LEF1: variants seen among roughly 807,000 people sequenced by gnomAD.
LEF1 encodes lymphoid enhancer binding factor 1.
Under a neutral mutation model 51.2 loss-of-function variants are expected in LEF1, and 14 were observed. That is an observed-to-expected ratio of 0.27 (90% CI 0.18 to 0.43). LEF1 has a LOEUF of 0.43. LEF1 is among the 20% of genes least tolerant of loss of function. LEF1 has a pLI of 1.00. For missense variants in LEF1, 386 were observed against 512.0 expected (o/e 0.75, Z 2.37); for synonymous variants, 185 against 183.2 (o/e 1.01, Z -0.08).
At chr4:108,080,544 T>C (rs1739216301) in intron 6 of LEF1, among the ~76,000 whole-genome samples, 10 of 152,138 alleles carry the variant, frequency 6.6e-5, no homozygotes, top group Admixed American at 5.2e-4. Context: ...ATGGTAAAAA[T>C]ACAAATATTT....
At chr4:108,166,174 A>T (rs1452816200) in intron 1 of LEF1, 7 of 1,278,484 alleles carry the variant, frequency 5.5e-6, no homozygotes, top group Middle Eastern at 2.8e-4. Flanking sequence ...GGTGCACCCT[A>T]CCCCCGCCCC....
chr4:108,073,832 C>CT (rs1738662743), intron 8 of LEF1, among the ~76,000 whole-genome samples: 8 of 117,220 alleles, frequency 6.8e-5, no homozygotes, highest in African/African-American at 2.2e-4. Context: ...AACCCCCCCC[C>CT]CTTTTTTTTT....
chr4:108,048,883 G>A (rs2126249064), intron 11 of LEF1, 132 bp from the exon 12 acceptor site: 1 of 550,578 alleles, frequency 1.8e-6, no homozygotes, highest in East Asian at 3.2e-5. Context: ...TTTGGGGATG[G>A]CTAAAATGAA....
chr4:108,109,356 A>T (rs1741378473), intron 3 of LEF1, among the ~76,000 whole-genome samples: 1 of 152,188 alleles, frequency 6.6e-6, no homozygotes, highest in Non-Finnish European at 1.5e-5. Flanking sequence ...TGAAAAAGGG[A>T]CAAGTTGTTT....
chr4:108,061,294 T>C (rs528256967), intron 11 of LEF1, among the ~76,000 whole-genome samples: 29 of 152,114 alleles, frequency 1.9e-4, no homozygotes, highest in African/African-American at 6.0e-4. Flanking sequence ...CTTAAGAAAA[T>C]ATAAATAAGT....
At chr4:108,133,856 T>C (rs1743060176) in intron 3 of LEF1, among the ~76,000 whole-genome samples, 1 of 152,236 alleles carries the variant, frequency 6.6e-6, no homozygotes, top group African/African-American at 2.4e-5. Context: ...TATTGTCATA[T>C]ATGTGAGGAT....
At chr4:108,152,845 G>A (rs1744438699) in intron 3 of LEF1, among the ~76,000 whole-genome samples, 1 of 152,204 alleles carries the variant, frequency 6.6e-6, no homozygotes, top group Admixed American at 6.5e-5. Context: ...AATGCCAGAT[G>A]AGGAGACCAA....
chr4:108,078,924 C>T (rs1304053879), intron 7 of LEF1, among the ~76,000 whole-genome samples: 1 of 152,162 alleles, frequency 6.6e-6, no homozygotes, highest in Non-Finnish European at 1.5e-5. Context: ...CTGCCTCTCA[C>T]CCCCACCCTC....
At chr4:108,092,917 T>TAAAAAAAAAAAAAAAAAAAAA (rs71592104) in intron 3 of LEF1, among the ~76,000 whole-genome samples, 4 of 31,154 alleles carry the variant, frequency 1.3e-4, no homozygotes, top group Admixed American at 3.7e-4. Flanking sequence ...AATGAATATG[T>TAAAAAAAAAAAAAAAAAAAAA]AAAAAAAAAA....
chr4:108,127,823 G>T (rs748107315), intron 3 of LEF1, among the ~76,000 whole-genome samples: 1 of 152,192 alleles, frequency 6.6e-6, no homozygotes, highest in East Asian at 1.9e-4. Flanking sequence ...AGAAATTTAA[G>T]ATCTGAAGGG....
chr4:108,049,217 C>G (rs988991714), intron 11 of LEF1, among the ~76,000 whole-genome samples: 1 of 152,166 alleles, frequency 6.6e-6, no homozygotes, highest in African/African-American at 2.4e-5. Flanking sequence ...TGCCAACTCC[C>G]GTGACGCTAT....
At chr4:108,057,283 T>A (rs1460622281) in intron 11 of LEF1, among the ~76,000 whole-genome samples, 1 of 152,140 alleles carries the variant, frequency 6.6e-6, no homozygotes, top group Non-Finnish European at 1.5e-5. Flanking sequence ...TTCAGCTGCC[T>A]CCAATTTCCT....
At chr4:108,155,297 C>T (rs746860960) in intron 3 of LEF1, among the ~76,000 whole-genome samples, 7 of 152,142 alleles carry the variant, frequency 4.6e-5, no homozygotes, top group Middle Eastern at 3.2e-3. Flanking sequence ...TTCCCTCATA[C>T]GTCTCATTCC....
At chr4:108,079,276 C>A (rs1297221819) in intron 7 of LEF1, among the ~76,000 whole-genome samples, 1 of 152,156 alleles carries the variant, frequency 6.6e-6, no homozygotes, top group Admixed American at 6.5e-5. Context: ...TTCCCATGAT[C>A]TTTTAGGGTC....
intron 3 of LEF1, among the ~76,000 whole-genome samples, chr4:108,107,039 T>C (rs1043461043): frequency 4.6e-5 from 7 of 152,008 alleles, no homozygotes; most frequent in Non-Finnish European, 1.0e-4. Flanking sequence ...GATTGGAAAA[T>C]ACAAAAAAAC....
At chr4:108,109,204 T>C (rs1741366686) in intron 3 of LEF1, among the ~76,000 whole-genome samples, 1 of 152,222 alleles carries the variant, frequency 6.6e-6, no homozygotes, top group Non-Finnish European at 1.5e-5. Flanking sequence ...ATCCACTCCT[T>C]GTAAGGCCAT....
At chr4:108,109,038 C>T (rs1240278096) in intron 3 of LEF1, among the ~76,000 whole-genome samples, 2 of 152,170 alleles carry the variant, frequency 1.3e-5, no homozygotes, top group South Asian at 2.1e-4. Context: ...AACATTTCTA[C>T]CTAGGGATGT....
At chr4:108,059,364 T>C (rs1737522402) in intron 11 of LEF1, among the ~76,000 whole-genome samples, 1 of 152,170 alleles carries the variant, frequency 6.6e-6, no homozygotes, top group African/African-American at 2.4e-5. Context: ...ATCACCTAGG[T>C]TGGAGTGCAG....
chr4:108,077,371 G>A (rs574227292), intron 8 of LEF1, among the ~76,000 whole-genome samples: 6 of 151,882 alleles, frequency 4.0e-5, no homozygotes, highest in South Asian at 4.2e-4. Flanking sequence ...CCCGGCTGCC[G>A]CCCTGTCTGG....
Sources: allele counts gnomAD v4.1 joint callset (sites outside exome capture counted in the v4.1 genomes callset), GRCh38; gene constraint gnomAD v4.1.1; transcripts MANE v1.5; gene names NCBI Gene and HGNC (gene_info 2026-07-23, HGNC 2026-07-21).